The following MPPED2 variants were observed in gnomAD, a reference collection of about 807,000 sequenced individuals.
MPPED2 encodes the protein metallophosphoesterase MPPED2.
A neutral mutation model predicts 33.0 loss-of-function variants in MPPED2; 5 were observed. That is an observed-to-expected ratio of 0.15 (90% CI 0.08 to 0.32). The LOEUF (loss-of-function observed/expected upper bound fraction) is 0.32. MPPED2 is among the 10% of genes least tolerant of loss of function. MPPED2 has a pLI of 1.00. For synonymous variants in MPPED2, 136 were observed against 141.9 expected (o/e 0.96, Z 0.29); for missense variants, 275 against 372.1 (o/e 0.74, Z 2.15).
chr11:30,472,633 G>A (rs1178954955), intron 4 of MPPED2, among the ~76,000 whole-genome samples: 1 of 152,184 alleles, frequency 6.6e-6, no homozygotes, highest in African/African-American at 2.4e-5. Context: ...AACTTTGAAA[G>A]CATCATGCTA....
chr11:30,529,399 T>C (rs2134435341), intron 3 of MPPED2, among the ~76,000 whole-genome samples: 2 of 152,316 alleles, frequency 1.3e-5, no homozygotes, highest in Admixed American at 1.3e-4. Context: ...GAAAGTATTC[T>C]TCTTGGGAAA....
intron 3 of MPPED2, among the ~76,000 whole-genome samples, chr11:30,527,081 A>G (rs920336419): frequency 2.2e-4 from 33 of 150,616 alleles, no homozygotes; most frequent in Admixed American, 1.6e-3. Flanking sequence ...GCCCACCACC[A>G]CGCCCAGCTA....
intron 4 of MPPED2, among the ~76,000 whole-genome samples, chr11:30,489,934 C>G (rs1001213825): frequency 5.3e-5 from 8 of 150,312 alleles, no homozygotes; most frequent in Admixed American, 1.3e-4. Context: ...TGCACAGTAT[C>G]TTAGTATCAA....
chr11:30,473,414 A>C (rs1369886824), intron 4 of MPPED2, among the ~76,000 whole-genome samples: 1 of 152,150 alleles, frequency 6.6e-6, no homozygotes, highest in African/African-American at 2.4e-5. Context: ...TGTCCGCCTC[A>C]TGTATCCAGT....
At chr11:30,574,176 A>G (rs951373794) in intron 2 of MPPED2, among the ~76,000 whole-genome samples, 5 of 152,202 alleles carry the variant, frequency 3.3e-5, no homozygotes, top group Admixed American at 2.0e-4. Flanking sequence ...ACTCAGAGCA[A>G]CTTCCAGTCC....
intron 4 of MPPED2, among the ~76,000 whole-genome samples, chr11:30,456,175 T>C (rs1246717390): frequency 2.6e-5 from 4 of 152,186 alleles, no homozygotes; most frequent in Admixed American, 2.0e-4. Context: ...AAATAAGGAA[T>C]GAATGAAGAA....
chr11:30,393,533 A>G (rs767970503), intron 6 of MPPED2, among the ~76,000 whole-genome samples: 1 of 152,144 alleles, frequency 6.6e-6, no homozygotes, highest in African/African-American at 2.4e-5. Flanking sequence ...TTACCTGAGT[A>G]TGTATACCAT....
intron 4 of MPPED2, among the ~76,000 whole-genome samples, chr11:30,423,821 G>A (rs953391980): frequency 2.0e-5 from 3 of 152,098 alleles, no homozygotes; most frequent in East Asian, 1.9e-4. Context: ...CATACACAGA[G>A]AGAATTGCTC....
chr11:30,493,481 C>T (rs547987068), intron 4 of MPPED2, among the ~76,000 whole-genome samples: 35 of 152,082 alleles, frequency 2.3e-4, no homozygotes, highest in African/African-American at 7.7e-4. Context: ...TTTTCCAGTC[C>T]TATCCACAAC....
At chr11:30,487,913 CCTTTT>C (rs1457660123) in intron 4 of MPPED2, among the ~76,000 whole-genome samples, 1 of 152,020 alleles carries the variant, frequency 6.6e-6, no homozygotes, top group East Asian at 1.9e-4. Flanking sequence ...TTCTGTACAC[CCTTTT>C]TGCAACTAGA....
At chr11:30,457,085 T>A (rs1226627952) in intron 4 of MPPED2, among the ~76,000 whole-genome samples, 1 of 152,228 alleles carries the variant, frequency 6.6e-6, no homozygotes, top group Non-Finnish European at 1.5e-5. Context: ...TTCTTCTCTG[T>A]CCTTTCACTT....
intron 6 of MPPED2, among the ~76,000 whole-genome samples, chr11:30,392,731 GGATA>G (rs1281612211): frequency 2.0e-5 from 3 of 152,154 alleles, no homozygotes; most frequent in African/African-American, 7.2e-5. Context: ...AGATAGTAAT[GGATA>G]GACAGATGGG....
chr11:30,413,229 CT>C (rs1378855206), intron 6 of MPPED2, among the ~76,000 whole-genome samples: 1 of 152,200 alleles, frequency 6.6e-6, no homozygotes, highest in Non-Finnish European at 1.5e-5. Context: ...AAAAAGCAAA[CT>C]TTGTTTTTTG....
chr11:30,505,942 T>C (rs1195492253), intron 3 of MPPED2, among the ~76,000 whole-genome samples: 1 of 152,102 alleles, frequency 6.6e-6, no homozygotes, highest in East Asian at 1.9e-4. Context: ...AATTGTACAA[T>C]CTACCTTATG....
intron 4 of MPPED2, among the ~76,000 whole-genome samples, chr11:30,427,164 G>C (rs992555354): frequency 6.6e-6 from 1 of 152,162 alleles, no homozygotes; most frequent in African/African-American, 2.4e-5. Flanking sequence ...AACAAAATAA[G>C]AAAAAGAGGA....
At chr11:30,567,475 C>T (rs577963370) in intron 2 of MPPED2, among the ~76,000 whole-genome samples, 11 of 152,240 alleles carry the variant, frequency 7.2e-5, no homozygotes, top group African/African-American at 2.4e-4. Flanking sequence ...CCAGCCTCCC[C>T]GAGAGCAATC....
At chr11:30,459,179 G>A (rs1051884682) in intron 4 of MPPED2, among the ~76,000 whole-genome samples, 2 of 151,688 alleles carry the variant, frequency 1.3e-5, no homozygotes, top group African/African-American at 4.8e-5. Flanking sequence ...CGCCCGCCTC[G>A]GCCTCCCAAA....
chr11:30,520,270 A>G (rs1423352699), intron 3 of MPPED2, among the ~76,000 whole-genome samples: 2 of 152,236 alleles, frequency 1.3e-5, no homozygotes, highest in Non-Finnish European at 2.9e-5. Context: ...ACTTGCTGCA[A>G]TAACATCTAT....
chr11:30,429,965 T>C (rs1949007792), intron 4 of MPPED2, among the ~76,000 whole-genome samples: 1 of 152,200 alleles, frequency 6.6e-6, no homozygotes, highest in Non-Finnish European at 1.5e-5. Flanking sequence ...GTTATGGGTA[T>C]GTCTATCTTC....
Sources: gnomAD v4.1 joint callset for allele counts (sites outside exome capture counted in the v4.1 genomes callset) on GRCh38, gnomAD v4.1.1 for gene constraint, MANE v1.5 for transcripts, NCBI Gene and HGNC (gene_info 2026-07-23, HGNC 2026-07-21) for gene names.